ADAMTS3: variants seen among roughly 807,000 people sequenced by gnomAD.
ADAMTS3 encodes ADAM metallopeptidase with thrombospondin type 1 motif 3.
A neutral mutation model predicts 129.0 loss-of-function variants in ADAMTS3; 73 were observed. The observed-to-expected ratio is 0.57, with a 90% CI of 0.47 to 0.69. The LOEUF is 0.69. Among genes scored for constraint, ADAMTS3 ranks in the 30% least tolerant of loss-of-function variants. The pLI, the probability that ADAMTS3 is intolerant of heterozygous loss-of-function variation, is 0.00. For missense variants in ADAMTS3, 1,457 were observed against 1,514.5 expected, an observed-to-expected ratio of 0.96 and a Z score of 0.63; for synonymous variants, 477 against 510.8, an observed-to-expected ratio of 0.93 and a Z score of 0.89.
At chr4:72,469,644 T>C (rs1383562636) in intron 3 of ADAMTS3, among the ~76,000 whole-genome samples, 2 of 152,094 alleles carry the variant, frequency 1.3e-5, no homozygotes, top group Admixed American at 1.3e-4. Flanking sequence ...ATGTGAACTG[T>C]GTGCATCCAT....
At chr4:72,313,503 C>G (rs1032474639) in intron 12 of ADAMTS3, among the ~76,000 whole-genome samples, 174 bp downstream of exon 12, 2 of 152,136 alleles carry the variant, frequency 1.3e-5, no homozygotes, top group Non-Finnish European at 2.9e-5. Flanking sequence ...CTGCTTGTCA[C>G]AAGATTAATA....
At chr4:72,396,154 G>A (rs1272678015) in intron 4 of ADAMTS3, among the ~76,000 whole-genome samples, 1 of 152,120 alleles carries the variant, frequency 6.6e-6, no homozygotes, top group Non-Finnish European at 1.5e-5. Context: ...TAAAGAAGGA[G>A]TAGTCCAGAA....
chr4:72,514,652 AC>A (rs1415453642), intron 3 of ADAMTS3, among the ~76,000 whole-genome samples: 1 of 152,086 alleles, frequency 6.6e-6, no homozygotes, highest in African/African-American at 2.4e-5. Context: ...TGGATGGTAA[AC>A]TTTTTGAGAG....
At position 72,282,939 on chromosome 4, in the gene ADAMTS3, C is replaced by T; in HGVS notation, c.*197G>A. 2.2e-6 allele frequency: 1 copy of T among 456,402 alleles called. No homozygotes were observed. Among genetic ancestry groups the T allele is most frequent in the Non-Finnish European group, 3.9e-6 (1 of 258,658 alleles). The allele number at this position is 456,402 out of a possible 1,614,324, so 28.3% of individuals were successfully genotyped here. A position where few individuals can be genotyped will look rare whatever the true frequency, so the allele number is the denominator to read the frequency against. On this transcript the variant is annotated 3_prime_UTR_variant, in exon 22 of 22. Coordinates refer to ENST00000286657, the MANE Select transcript of ADAMTS3 (RefSeq NM_014243.3). ...CTTTGGTGATTTCTTCCAATGAATT[C>T]TGGTAAATGAGTCAATGCAGAACAA...
intron 3 of ADAMTS3, among the ~76,000 whole-genome samples, chr4:72,452,865 A>G (rs1055279531): frequency 6.6e-6 from 1 of 151,766 alleles, no homozygotes; most frequent in Admixed American, 6.6e-5. Context: ...CCATTCTACT[A>G]GGTTTTTAGT....
At chr4:72,304,128 T>C (rs373088323) in intron 16 of ADAMTS3, 48 bp from the exon 17 acceptor site, 6 of 1,566,640 alleles carry the variant, frequency 3.8e-6, no homozygotes, top group Non-Finnish European at 5.2e-6. Context: ...TTTTATCATA[T>C]TAAGTGCTGA....
At chr4:72,306,923 A>G (rs10938015) in intron 15 of ADAMTS3, among the ~76,000 whole-genome samples, 29,444 of 151,902 alleles carry the variant, frequency 0.19, 3,428 homozygotes, top group East Asian at 0.47. Context: ...AATTAAGATT[A>G]TGACCATAAA....
chr4:72,491,095 T>A (rs1036534789), intron 3 of ADAMTS3, among the ~76,000 whole-genome samples: 1 of 151,850 alleles, frequency 6.6e-6, no homozygotes, highest in Non-Finnish European at 1.5e-5. Context: ...AATGAGATTG[T>A]TTTCTTAATT....
intron 3 of ADAMTS3, among the ~76,000 whole-genome samples, chr4:72,517,037 T>C (rs1358239549): frequency 6.6e-6 from 1 of 152,172 alleles, no homozygotes. Flanking sequence ...TGAGAGTTTT[T>C]AGCATGAAGG....
chr4:72,392,758 C>T (rs1240963781), intron 4 of ADAMTS3, among the ~76,000 whole-genome samples: 1 of 151,902 alleles, frequency 6.6e-6, no homozygotes, highest in Admixed American at 6.6e-5. Context: ...ACTTCTTTGC[C>T]TAAAACAAAT....
At chr4:72,479,813 T>C (rs1043992612) in intron 3 of ADAMTS3, among the ~76,000 whole-genome samples, 4 of 152,056 alleles carry the variant, frequency 2.6e-5, no homozygotes, top group Non-Finnish European at 5.9e-5. Flanking sequence ...AGGGCTAATA[T>C]CCAGAATCTA....
At chr4:72,415,850 C>T (rs1319806871) in intron 3 of ADAMTS3, among the ~76,000 whole-genome samples, 1 of 151,884 alleles carries the variant, frequency 6.6e-6, no homozygotes, top group Non-Finnish European at 1.5e-5. Context: ...CTACTTTAAA[C>T]ATCATACAAT....
intron 2 of ADAMTS3, among the ~76,000 whole-genome samples, chr4:72,559,388 T>C (rs1254530712): frequency 6.6e-6 from 1 of 151,848 alleles, no homozygotes; most frequent in Non-Finnish European, 1.5e-5. Context: ...GCACCATTCC[T>C]TTCTCAACTC....
intron 3 of ADAMTS3, among the ~76,000 whole-genome samples, chr4:72,508,636 C>G (rs1262171653): frequency 6.6e-6 from 1 of 152,060 alleles, no homozygotes. Context: ...AATATTGAAT[C>G]AGTCATAGCT....
chr4:72,558,200 C>A lies in ADAMTS3; in HGVS notation c.97+9174G>T, dbSNP rs191649446. On this transcript the variant is annotated intron_variant, in intron 2 of 21. Transcript: ENST00000286657. Reference sequence around the variant, plus strand: ...TTACATTTTCCAAATCTAAAATAGCCTGGCTCATACTTTTGTCAAAAAGTA... The same window carrying A: ...TTACATTTTCCAAATCTAAAATAGCATGGCTCATACTTTTGTCAAAAAGTA... 3.3e-5 allele frequency among the ~76,000 whole-genome samples: 5 copies of A among 151,926 alleles called. No individual in the cohort carries two copies. The East Asian group carries it at 9.6e-4, about 29-fold the overall frequency.
intron 3 of ADAMTS3, among the ~76,000 whole-genome samples, chr4:72,471,101 A>T (rs1429153451): frequency 6.6e-6 from 1 of 152,182 alleles, no homozygotes; most frequent in African/African-American, 2.4e-5. Flanking sequence ...TCAAACTTGG[A>T]TATTTGGCAA....
At chr4:72,566,012 T>G (rs1560570188) in intron 2 of ADAMTS3, among the ~76,000 whole-genome samples, 1 of 152,110 alleles carries the variant, frequency 6.6e-6, no homozygotes, top group Admixed American at 6.5e-5. Flanking sequence ...AACTTTCTTC[T>G]CCCTACTTAA....
At chr4:72,304,676 A>G (rs948352665) in intron 16 of ADAMTS3, among the ~76,000 whole-genome samples, 2 of 152,108 alleles carry the variant, frequency 1.3e-5, no homozygotes, top group Admixed American at 1.3e-4. Context: ...TATTTATTAC[A>G]TATTATACAA....
chr4:72,437,935 T>C (rs1347298047), intron 3 of ADAMTS3, among the ~76,000 whole-genome samples: 2 of 151,780 alleles, frequency 1.3e-5, no homozygotes, highest in African/African-American at 4.8e-5. Context: ...TTTTTTCCCA[T>C]TAAATGGGAA....
Sources: gnomAD v4.1 joint callset for allele counts (sites outside exome capture counted in the v4.1 genomes callset) on GRCh38, gnomAD v4.1.1 for gene constraint, MANE v1.5 for transcripts, NCBI Gene and HGNC (gene_info 2026-07-23, HGNC 2026-07-21) for gene names.